The following IGSF10 variants were observed in gnomAD, a reference collection of about 807,000 sequenced individuals.
IGSF10 encodes the protein immunoglobulin superfamily member 10, also known as calvaria mechanical force protein 608.
In IGSF10, 126 loss-of-function variants were observed where a neutral mutation model predicts 128.2. The ratio of observed to expected loss-of-function variants is 0.98; its 90% CI spans 0.85 to 1.14. The LOEUF (loss-of-function observed/expected upper bound fraction) is 1.14. IGSF10 is among the 50% of genes most tolerant of loss of function. The probability of loss-of-function intolerance (pLI) is 0.00; values close to 1 mark genes in which losing one functional copy is unlikely to be tolerated. For missense variants in IGSF10, 3,295 were observed against 3,149.8 expected (o/e 1.05, Z -1.10); for synonymous variants, 1,185 against 1,146.2 (o/e 1.03, Z -0.68).
At chr3:151,568,525 G>T in the IGSF10 span, among the ~76,000 whole-genome samples, 1 of 152,084 alleles carries the variant, frequency 6.6e-6, no homozygotes, top group Admixed American at 6.6e-5. Context: ...CCTAGGGACG[G>T]CTCACACAGA....
At chr3:151,568,523 C>T in the IGSF10 span, among the ~76,000 whole-genome samples, 5 of 152,216 alleles carry the variant, frequency 3.3e-5, no homozygotes, top group South Asian at 6.2e-4. Context: ...TCCCTAGGGA[C>T]GGCTCACACA....
the IGSF10 span, among the ~76,000 whole-genome samples, chr3:151,612,791 G>C: frequency 1.3e-4 from 20 of 152,086 alleles, no homozygotes; most frequent in African/African-American, 4.6e-4. Context: ...GAAATTTGTA[G>C]GCAAAGGACA....
chr3:151,509,692 G>A, the IGSF10 span, among the ~76,000 whole-genome samples: 5 of 152,240 alleles, frequency 3.3e-5, no homozygotes, highest in Non-Finnish European at 5.9e-5. Flanking sequence ...GCCTCACCCG[G>A]GAAGTGCAAG....
the IGSF10 span, among the ~76,000 whole-genome samples, chr3:151,532,506 T>C: frequency 6.6e-6 from 1 of 152,044 alleles, no homozygotes; most frequent in South Asian, 2.1e-4. Context: ...ACCCCTGGGA[T>C]GCAAGGCTAG....
chr3:151,588,687 T>C, the IGSF10 span, among the ~76,000 whole-genome samples: 3 of 152,226 alleles, frequency 2.0e-5, no homozygotes, highest in Non-Finnish European at 4.4e-5. Context: ...TATGCCCTGT[T>C]CCAGCAAGGA....
chr3:151,533,166 C>T, the IGSF10 span, among the ~76,000 whole-genome samples: 1 of 152,138 alleles, frequency 6.6e-6, no homozygotes, highest in African/African-American at 2.4e-5. Flanking sequence ...AGAGAGAACA[C>T]AAACAAATGG....
chr3:151,438,062 C>T lies in IGSF10; in HGVS notation c.6499G>A (p.Gly2167Arg). ...CAAAATATTTTTGGTTTGGGATCCC[C>T]AGTGACCTCACAGTCAAGGACAGCT... is the stretch of plus-strand genomic sequence containing the variant. ...DTAVLDCEVTGDPKPKIFWLL... is the reference protein window; with the variant it reads ...DTAVLDCEVTRDPKPKIFWLL... The change falls in exon 8 of 8, where the codon GGG becomes AGG. Residue 2167 changes from glycine to arginine, a missense_variant. Transcript: ENST00000282466. 1 of 1,614,176 alleles carries T rather than the reference C, an allele frequency of 6.2e-7. No individual in the cohort carries two copies. Among genetic ancestry groups the T allele is most frequent in the Non-Finnish European group, 8.5e-7 (1 of 1,180,038 alleles).
In IGSF10 at chr3:151,448,517, C is replaced by T. The variant is rs1721341086; in HGVS notation, c.1464G>A (p.Leu488=). 6.2e-7 allele frequency: 1 copy of T among 1,614,252 alleles called. No individual in the cohort carries two copies. The highest frequency in any genetic ancestry group is 8.5e-7 in the Non-Finnish European group (1 of 1,180,052). ...DNNTKLEHTV[L]VGGTVGLNCP... ...AGTTCAGGCCAACGGTTCCACCTACCAAGACAGTATGTTCCAGCTTAGTAT... is the reference window on the plus strand; with the variant it reads ...AGTTCAGGCCAACGGTTCCACCTACTAAGACAGTATGTTCCAGCTTAGTAT... The change falls in exon 6 of 8, where the codon TTG becomes TTA. Residue 488 remains leucine, a synonymous_variant. Transcript: ENST00000282466.
the IGSF10 span, among the ~76,000 whole-genome samples, chr3:151,595,817 G>A: frequency 2.0e-5 from 3 of 151,366 alleles, no homozygotes; most frequent in East Asian, 5.8e-4. Context: ...GAAATGGAAA[G>A]AAATAGATTA....
intron 5 of IGSF10, among the ~76,000 whole-genome samples, chr3:151,452,588 A>G (rs1012090436): frequency 6.6e-6 from 1 of 152,100 alleles, no homozygotes; most frequent in African/African-American, 2.4e-5. Flanking sequence ...GTGTGTGATT[A>G]TGTGTGTGCG....
the IGSF10 span, among the ~76,000 whole-genome samples, chr3:151,606,271 A>G: frequency 6.6e-6 from 1 of 152,244 alleles, no homozygotes; most frequent in Non-Finnish European, 1.5e-5. Context: ...AGCTTTCAAT[A>G]TGGGACTGGC....
At chr3:151,555,755 T>C in the IGSF10 span, among the ~76,000 whole-genome samples, 4 of 152,198 alleles carry the variant, frequency 2.6e-5, no homozygotes, top group African/African-American at 4.8e-5. Flanking sequence ...TGTAACAATG[T>C]GCAGCTCTCT....
At chr3:151,516,025 A>C in the IGSF10 span, among the ~76,000 whole-genome samples, 13 of 152,168 alleles carry the variant, frequency 8.5e-5, no homozygotes, top group South Asian at 2.3e-3. Flanking sequence ...CCAGATAAAG[A>C]AAGCTTTTCA....
the IGSF10 span, among the ~76,000 whole-genome samples, chr3:151,484,768 A>ACTCTACTC: frequency 1.3e-5 from 2 of 152,130 alleles, no homozygotes; most frequent in Admixed American, 6.5e-5. Flanking sequence ...ATCAACAAAA[A>ACTCTACTC]GGACGTCTAC....
the IGSF10 span, among the ~76,000 whole-genome samples, chr3:151,527,762 C>T: frequency 6.6e-6 from 1 of 151,620 alleles, no homozygotes; most frequent in Non-Finnish European, 1.5e-5. Flanking sequence ...CCAGCCTGGG[C>T]AACATGGTGA....
rs1237848392 is a variant in IGSF10 at position 151,446,958 on chromosome 3, C to G, written c.3023G>C (p.Arg1008Thr). The G allele has an allele frequency of 1.2e-6, 2 of 1,614,072 alleles. No individual in the cohort carries two copies. The highest frequency in any genetic ancestry group is 1.3e-5 in the African/African-American group (1 of 74,922). The change falls in exon 6 of 8, where the codon AGA becomes ACA. Residue 1008 changes from arginine (R) to threonine (T), a missense_variant. Coordinates refer to ENST00000282466, the MANE Select transcript of IGSF10 (RefSeq NM_178822.5). ...RNSTVNIPLFRRFGRQRKIGG... is the reference protein window; with the variant it reads ...RNSTVNIPLFTRFGRQRKIGG... ...AATTTTCCTCTGCCTCCCAAAGCGT[C>G]TGAACAGCGGGATGTTAACTGTACT...
At chr3:151,572,703 T>C in the IGSF10 span, among the ~76,000 whole-genome samples, 1 of 152,202 alleles carries the variant, frequency 6.6e-6, no homozygotes, top group African/African-American at 2.4e-5. Context: ...AAGGGTTTTT[T>C]TGTGTCTCTA....
chr3:151,511,115 G>T, the IGSF10 span, among the ~76,000 whole-genome samples: 1 of 151,946 alleles, frequency 6.6e-6, no homozygotes, highest in Non-Finnish European at 1.5e-5. Context: ...TACAGAGAAC[G>T]CCACAAAGAT....
chr3:151,466,644 T>C, the IGSF10 span, among the ~76,000 whole-genome samples: 1 of 152,182 alleles, frequency 6.6e-6, no homozygotes, highest in Admixed American at 6.5e-5. Flanking sequence ...AATGGCACAA[T>C]CTCAGCTCAT....
Sources: gnomAD v4.1 joint callset for allele counts (sites outside exome capture counted in the v4.1 genomes callset) on GRCh38, gnomAD v4.1.1 for gene constraint, MANE v1.5 for transcripts, NCBI Gene and HGNC (gene_info 2026-07-23, HGNC 2026-07-21) for gene names.